CRAT: variants seen among roughly 807,000 people sequenced by gnomAD.
CRAT encodes carnitine O-acetyltransferase.
Under a neutral mutation model 73.7 loss-of-function variants are expected in CRAT, and 66 were observed. That is an observed-to-expected ratio of 0.90 (90% CI 0.73 to 1.10). The LOEUF (loss-of-function observed/expected upper bound fraction) is 1.10. Ranked by LOEUF, CRAT falls within the 50% of genes least tolerant of loss-of-function variation. The pLI is 0.00. For missense variants in CRAT, 745 were observed against 846.9 expected, an observed-to-expected ratio of 0.88 and a Z score of 1.49; for synonymous variants, 321 against 343.2, an observed-to-expected ratio of 0.94 and a Z score of 0.71.
At chr9:129,101,215 C>T (rs1486378638) in intron 6 of CRAT, among the ~76,000 whole-genome samples, 5 of 152,192 alleles carry the variant, frequency 3.3e-5, no homozygotes, top group Non-Finnish European at 5.9e-5. Context: ...GCCTGCTCCA[C>T]GTTGAGAGGA....
intron 9 of CRAT, 62 bp from the exon 10 acceptor site, chr9:129,098,433 G>T: frequency 6.3e-7 from 1 of 1,599,874 alleles, no homozygotes; most frequent in Non-Finnish European, 8.5e-7. Flanking sequence ...ACCCCACGGA[G>T]GGTCTGGGTG....
intron 12 of CRAT, 31 bp downstream of exon 12, chr9:129,097,218 AC>A (rs1267013905): frequency 6.5e-7 from 1 of 1,528,814 alleles, no homozygotes; most frequent in Non-Finnish European, 8.8e-7. Context: ...ACACTAAGGG[AC>A]AAGTGAGTAG....
In CRAT at chr9:129,108,154, C is replaced by T. The variant is rs571165421; in HGVS notation, c.28-77G>A. On this transcript the variant is annotated intron_variant, in intron 1 of 13. Transcript: ENST00000318080. ...GCAGCCCCAAAGCTGTAGTCCTGGG[C>T]ACTTAAGTGCCCATCCCTGGGGGCA... is the stretch of plus-strand genomic sequence containing the variant. 2.6e-4 allele frequency: 378 copies of T among 1,470,782 alleles called. No individual in the cohort carries two copies. The African/African-American group carries it at 4.6e-3, about 18-fold the overall frequency. The allele number at this position is 1,470,782 out of a possible 1,614,324, so 91.1% of individuals were successfully genotyped here.
intron 8 of CRAT, among the ~76,000 whole-genome samples, 193 bp from the exon 9 acceptor site, chr9:129,098,843 T>G (rs1847470882): frequency 6.7e-6 from 1 of 148,858 alleles, no homozygotes; most frequent in Non-Finnish European, 1.5e-5. Flanking sequence ...AGATGGAGTC[T>G]TGCTCTGTTG....
rs1050055765 is a variant in CRAT at position 129,103,153 on chromosome 9, T to A, written c.411-87A>T. On this transcript the variant is annotated intron_variant, in intron 3 of 13. Transcript: ENST00000318080. This position sits in a 1 kb window ranked among gnomAD's most constrained non-coding sequence, Gnocchi z 4.6. ...GGACACCTGCTTGGGGAGCGGGAGG[T>A]CTAGTCTTCCAGCCTCTCTCACCGC... 11 of 1,157,550 alleles carry A rather than the reference T, an allele frequency of 9.5e-6. No homozygotes were observed. Among genetic ancestry groups the A allele is most frequent in the Non-Finnish European group, 1.4e-5 (11 of 769,762 alleles). The allele number at this position is 1,157,550 out of a possible 1,614,324, so 71.7% of individuals were successfully genotyped here. A position where few individuals can be genotyped will look rare whatever the true frequency, so the allele number is the denominator to read the frequency against.
At chr9:129,096,198 T>C in intron 12 of CRAT, 63 bp from the exon 13 acceptor site, 2 of 1,597,680 alleles carry the variant, frequency 1.3e-6, no homozygotes, top group Non-Finnish European at 1.7e-6. Flanking sequence ...CCCTGCCCTC[T>C]TCAGCCTGTG....
intron 1 of CRAT, chr9:129,108,860 A>C: frequency 1.5e-6 from 2 of 1,303,888 alleles, no homozygotes; most frequent in Middle Eastern, 2.1e-4. Context: ...CTGTGCTACA[A>C]AGTGAGTGAG....
intron 1 of CRAT, 92 bp from the exon 2 acceptor site, chr9:129,108,169 C>T (rs1848140075): frequency 7.0e-7 from 1 of 1,419,386 alleles, no homozygotes; most frequent in Non-Finnish European, 9.3e-7. Context: ...AAGTGCCCAT[C>T]CCTGGGGGCA....
At chr9:129,097,120 TC>T in intron 12 of CRAT, 129 bp downstream of exon 12, 1 of 691,738 alleles carries the variant, frequency 1.4e-6, no homozygotes, top group South Asian at 2.3e-5. Flanking sequence ...CTCCAGGTGC[TC>T]CCAGGTTGGG....
At chr9:129,109,274 G>A (rs1247833642) in intron 1 of CRAT, 5 of 1,303,992 alleles carry the variant, frequency 3.8e-6, no homozygotes, top group South Asian at 2.5e-5. Flanking sequence ...CCCTGGGATC[G>A]GTCCTGAAAT....
rs199817861 is a variant in CRAT, at chr9:129,100,594, G to A, written c.901C>T (p.Arg301Cys). 2.6e-5 allele frequency: 42 copies of A among 1,613,992 alleles called. No individual in the cohort carries two copies. The highest frequency in any genetic ancestry group is 1.7e-4 in the Middle Eastern group (1 of 6,058). The change falls in exon 7 of 14, where the codon CGC becomes TGC. Residue 301 changes from arginine to cysteine, a missense_variant. Arg to Cys is a radical substitution (Grantham distance 180). Transcript: ENST00000318080. ...TMPRVSEDVY[R>C]SHVAGQMLHG... ...AGCATCTGGCCTGCCACGTGGCTGC[G>A]GTACACGTCTTCTGAGACCCTGGGC...
In CRAT at chr9:129,107,538, G is replaced by A. The variant is rs577433533; in HGVS notation, c.291+276C>T. The A allele has an allele frequency of 1.2e-5, 8 of 651,712 alleles. No individual in the cohort carries two copies. The highest frequency in any genetic ancestry group is 2.1e-5 in the Admixed American group (1 of 47,484). The allele number at this position is 651,712 out of a possible 1,614,324, so 40.4% of individuals were successfully genotyped here. On this transcript the variant is annotated intron_variant, in intron 2 of 13. Coordinates refer to ENST00000318080, the MANE Select transcript of CRAT (RefSeq NM_000755.5). This position sits in a 1 kb window ranked among gnomAD's most constrained non-coding sequence, Gnocchi z 5.0. ...CATCTTCTATCTGGTTGTACCTGCCGTGCACCCCACTCCTGCCTCTGTCCT... is the reference window on the plus strand; with the variant it reads ...CATCTTCTATCTGGTTGTACCTGCCATGCACCCCACTCCTGCCTCTGTCCT...
intron 1 of CRAT, among the ~76,000 whole-genome samples, chr9:129,109,611 T>C (rs551876251): frequency 6.6e-6 from 1 of 152,252 alleles, no homozygotes; most frequent in South Asian, 2.1e-4. Flanking sequence ...GAGGATGATC[T>C]AGAGGCTGTT....
At chr9:129,095,902 T>G in intron 13 of CRAT, 96 bp downstream of exon 13, 1 of 1,523,024 alleles carries the variant, frequency 6.6e-7, no homozygotes, top group Non-Finnish European at 9.0e-7. Flanking sequence ...AACTCAGCTG[T>G]GTTGGCAATG....
Position 129,098,409 on chromosome 9 carries a change from G to C in CRAT, c.1206-38C>G, listed in dbSNP as rs764664238. Reference sequence around the variant, plus strand: ...GAAGAGCAGGTGAGGAGCAGGCCCCGGCAGCCCCTGCCAACCCCACGGAGG... The same window carrying C: ...GAAGAGCAGGTGAGGAGCAGGCCCCCGCAGCCCCTGCCAACCCCACGGAGG... On this transcript the variant is annotated intron_variant, in intron 9 of 13. Transcript: ENST00000318080. The C allele has an allele frequency of 4.4e-6, 7 of 1,608,872 alleles. No homozygotes were observed. The Admixed American group carries it at 1.0e-4, about 23-fold the overall frequency.
intron 6 of CRAT, among the ~76,000 whole-genome samples, chr9:129,101,259 G>A (rs181923428): frequency 7.0e-4 from 106 of 152,356 alleles, no homozygotes; most frequent in Middle Eastern, 3.4e-3. Flanking sequence ...ATGGCTGTGC[G>A]GGGCCCAGCA....
intron 6 of CRAT, among the ~76,000 whole-genome samples, chr9:129,101,103 T>TTC (rs536382075): frequency 2.2e-4 from 34 of 152,292 alleles, no homozygotes; most frequent in Non-Finnish European, 3.1e-4. Flanking sequence ...GCGGGTGGGC[T>TTC]TCTCAGCCAG....
At chr9:129,100,087 T>G in intron 7 of CRAT, 121 bp from the exon 8 acceptor site, 1 of 679,108 alleles carries the variant, frequency 1.5e-6, no homozygotes, top group Non-Finnish European at 2.5e-6. Flanking sequence ...TATGATGACT[T>G]ATTACTGTTA....
At position 129,103,440 on chromosome 9, in the gene CRAT, G is replaced by T. The variant is rs1847814003; in HGVS notation, c.411-374C>A. Among the ~76,000 whole-genome samples the T allele has an allele frequency of 6.6e-6, 1 of 152,142 alleles. No homozygotes were observed. On this transcript the variant is annotated intron_variant, in intron 3 of 13. Coordinates refer to ENST00000318080, the MANE Select transcript of CRAT (RefSeq NM_000755.5). This position sits in a 1 kb window ranked among gnomAD's most constrained non-coding sequence, Gnocchi z 4.6. ...ATCTGGAGGGGGTGTCATCTGCTCTGAAGCATCGGTTCTGGAGGCCCCGGG... is the reference window on the plus strand; with the variant it reads ...ATCTGGAGGGGGTGTCATCTGCTCTTAAGCATCGGTTCTGGAGGCCCCGGG...
Sources: gnomAD v4.1 joint callset for allele counts (sites outside exome capture counted in the v4.1 genomes callset) on GRCh38, gnomAD v4.1.1 for gene constraint, Gnocchi (gnomAD v3.1) non-coding constraint, MANE v1.5 for transcripts, NCBI Gene and HGNC (gene_info 2026-07-23, HGNC 2026-07-21) for gene names.